Variants in LXN observed in about 807,000 individuals in gnomAD.
The protein encoded by LXN is MUM.
LXN carries 28 observed loss-of-function variants against 29.8 expected under a neutral mutation model. The observed-to-expected ratio is 0.94, with a 90% CI of 0.70 to 1.29. LXN has a LOEUF of 1.29. LXN is among the 50% of genes most tolerant of loss of function. The pLI, the probability that LXN is intolerant of heterozygous loss-of-function variation, is 0.00. For missense variants in LXN, 227 were observed against 261.7 expected (o/e 0.87, Z 0.92); for synonymous variants, 77 against 89.6 (o/e 0.86, Z 0.80).
intron 1 of LXN, among the ~76,000 whole-genome samples, chr3:158,672,099 G>C (rs191301816): frequency 1.3e-5 from 2 of 152,244 alleles, no homozygotes; most frequent in Admixed American, 6.5e-5. Context: ...CCGTTTTCTT[G>C]TAACTGTGTG....
At chr3:158,672,071 CT>C (rs1560139024) in intron 1 of LXN, among the ~76,000 whole-genome samples, 1 of 152,038 alleles carries the variant, frequency 6.6e-6, no homozygotes, top group East Asian at 1.9e-4. Flanking sequence ...AGTGCTGCCC[CT>C]TACCTAGAGC....
Position 158,667,059 on chromosome 3 carries a change from A to G in LXN, c.523T>C (p.Phe175Leu). The change falls in exon 5 of 6, where the codon TTT becomes CTT. Residue 175 changes from phenylalanine (F) to leucine (L), a missense_variant. Transcript: ENST00000264265. ...TVKQVQRNDD[F>L]IELDYTILLH... Reference sequence around the variant, plus strand: ...AGAATGGTGTAGTCTAATTCAATAAAGTCATCATTTCTTTGCTATGACAAA... The same window carrying G: ...AGAATGGTGTAGTCTAATTCAATAAGGTCATCATTTCTTTGCTATGACAAA... The G allele has an allele frequency of 3.1e-6, 5 of 1,590,814 alleles. No homozygotes were observed. The highest frequency in any genetic ancestry group is 4.3e-6 in the Non-Finnish European group (5 of 1,172,818).
At chr3:158,671,767 C>G (rs1464654996) in intron 1 of LXN, among the ~76,000 whole-genome samples, 1 of 152,184 alleles carries the variant, frequency 6.6e-6, no homozygotes, top group Admixed American at 6.5e-5. Flanking sequence ...TAATTCAAGC[C>G]TTTAGCAGAG....
Position 158,666,616 on chromosome 3 carries a change from T to A in LXN, c.*30A>T, listed in dbSNP as rs538342638. 1.1e-5 allele frequency: 18 copies of A among 1,565,896 alleles called. No homozygotes were observed. The highest frequency in any genetic ancestry group is 1.5e-5 in the Non-Finnish European group (17 of 1,136,748). ...AAATTGGCATACACATCAATAGACA[T>A]GTTTACACTTCCAGTGTTAGGGTTT... On this transcript the variant is annotated 3_prime_UTR_variant, in exon 6 of 6. Coordinates refer to ENST00000264265, the MANE Select transcript of LXN (RefSeq NM_020169.4).
Position 158,672,628 on chromosome 3 carries a change from C to CG in LXN, c.-151dup. 1 of 905,036 alleles carries CG rather than the reference C, an allele frequency of 1.1e-6. No individual in the cohort carries two copies. The highest frequency in any genetic ancestry group is 1.7e-5 in the African/African-American group (1 of 59,674). 56.1% of individuals were successfully genotyped at this position (905,036 alleles called of 1,614,324 possible). Reference sequence around the variant, plus strand: ...GTCAGTCTTCTTCCTCAGCTCCTTCCGACTCCGGAAGCTGCTGTTTGGGCC... The same window carrying CG: ...GTCAGTCTTCTTCCTCAGCTCCTTCCGGACTCCGGAAGCTGCTGTTTGGGCC... On this transcript the variant is annotated 5_prime_UTR_variant, in exon 1 of 6. Coordinates refer to ENST00000264265, the MANE Select transcript of LXN (RefSeq NM_020169.4).
chr3:158,671,760 T>A (rs1724336983), intron 1 of LXN, among the ~76,000 whole-genome samples: 2 of 152,234 alleles, frequency 1.3e-5, no homozygotes, highest in Admixed American at 6.5e-5. Context: ...AAACATTTAA[T>A]TCAAGCCTTT....
intron 2 of LXN, among the ~76,000 whole-genome samples, chr3:158,670,079 G>A (rs1423178050): frequency 1.3e-5 from 2 of 152,166 alleles, no homozygotes; most frequent in South Asian, 2.1e-4. Flanking sequence ...TTGTAAAGAT[G>A]GCTGTCTAGC....
intron 2 of LXN, among the ~76,000 whole-genome samples, chr3:158,670,531 A>G (rs976772917): frequency 4.6e-5 from 7 of 152,218 alleles, no homozygotes; most frequent in Middle Eastern, 3.2e-3. Context: ...TCATATACCT[A>G]GGAATACCCA....
intron 1 of LXN, 64 bp downstream of exon 1, chr3:158,672,286 G>T: frequency 1.3e-6 from 2 of 1,592,638 alleles, no homozygotes; most frequent in Non-Finnish European, 1.7e-6. Flanking sequence ...GGCTGAGACC[G>T]CGGGTGAGTG....
At chr3:158,667,657 G>A (rs982968000) in intron 4 of LXN, among the ~76,000 whole-genome samples, 5 of 152,200 alleles carry the variant, frequency 3.3e-5, no homozygotes, top group East Asian at 1.9e-4. Context: ...GCATGCCTGT[G>A]TGTGCCTGTA....
intron 4 of LXN, 22 bp from the exon 5 acceptor site, chr3:158,667,096 T>A: frequency 6.4e-7 from 1 of 1,564,866 alleles, no homozygotes; most frequent in Non-Finnish European, 8.6e-7. Context: ...AATAAAAACG[T>A]GTTGTTTAAA....
intron 2 of LXN, among the ~76,000 whole-genome samples, chr3:158,670,296 A>G (rs1346358775): frequency 6.6e-6 from 1 of 152,234 alleles, no homozygotes; most frequent in Admixed American, 6.5e-5. Flanking sequence ...ATCAGCTGGC[A>G]TTCTATTGCT....
chr3:158,670,905 C>T, intron 2 of LXN, 52 bp downstream of exon 2: 1 of 1,435,680 alleles, frequency 7.0e-7, no homozygotes. Flanking sequence ...TGCACTTCAG[C>T]CTGGGTGATA....
chr3:158,666,558 G>T lies in LXN; in HGVS notation c.*88C>A. 1 of 1,262,184 alleles carries T rather than the reference G, an allele frequency of 7.9e-7. No individual in the cohort carries two copies. Among genetic ancestry groups the T allele is most frequent in the East Asian group, 2.3e-5 (1 of 43,010 alleles). The allele number at this position is 1,262,184 out of a possible 1,614,324, so 78.2% of individuals were successfully genotyped here. A position where few individuals can be genotyped will look rare whatever the true frequency, so the allele number is the denominator to read the frequency against. ...GACATTTATATAAAGTGACACTTTG[G>T]GATTATTTGGCCTCATAAGCTAGAT... On this transcript the variant is annotated 3_prime_UTR_variant, in exon 6 of 6. Coordinates refer to ENST00000264265, the MANE Select transcript of LXN (RefSeq NM_020169.4).
intron 4 of LXN, among the ~76,000 whole-genome samples, chr3:158,667,398 AT>A (rs1723814955): frequency 6.6e-6 from 1 of 152,218 alleles, no homozygotes; most frequent in Non-Finnish European, 1.5e-5. Context: ...CTGTGTTTCC[AT>A]TGTACAGAAA....
intron 4 of LXN, 55 bp from the exon 5 acceptor site, chr3:158,667,129 T>G: frequency 1.4e-6 from 2 of 1,476,062 alleles, no homozygotes; most frequent in Non-Finnish European, 9.1e-7. Context: ...TGGCAAAAAT[T>G]ACATTTAATT....
intron 5 of LXN, 97 bp downstream of exon 5, chr3:158,666,915 A>C (rs751968664): frequency 2.8e-5 from 43 of 1,518,698 alleles, no homozygotes; most frequent in Non-Finnish European, 3.1e-5. Context: ...ATTTACATGA[A>C]TTCTGATTTA....
At chr3:158,668,181 G>A (rs1028706110) in intron 4 of LXN, among the ~76,000 whole-genome samples, 9 of 152,096 alleles carry the variant, frequency 5.9e-5, no homozygotes, top group African/African-American at 1.2e-4. Context: ...CAAAATGCAC[G>A]GATGCCCAAG....
chr3:158,669,399 TCAAA>T, intron 3 of LXN, 30 bp downstream of exon 3: 1 of 1,570,454 alleles, frequency 6.4e-7, no homozygotes, highest in Non-Finnish European at 8.7e-7. Context: ...TAAGTTTGAA[TCAAA>T]CAAATGGTTT....
Sources: gnomAD v4.1 joint callset for allele counts (sites outside exome capture counted in the v4.1 genomes callset) on GRCh38, gnomAD v4.1.1 for gene constraint, MANE v1.5 for transcripts, NCBI Gene and HGNC (gene_info 2026-07-23, HGNC 2026-07-21) for gene names.